The following FAH variants were observed in gnomAD, a reference collection of about 807,000 sequenced individuals.
FAH encodes the protein fumarylacetoacetate hydrolase.
A neutral mutation model predicts 55.8 loss-of-function variants in FAH; 47 were observed. The observed-to-expected ratio is 0.84, with a 90% CI of 0.67 to 1.07. The LOEUF (loss-of-function observed/expected upper bound fraction) is 1.07, where lower values mean the gene tolerates loss of function less well. FAH is among the 50% of genes least tolerant of loss of function. FAH has a pLI of 0.00. For synonymous variants in FAH, 199 were observed against 207.7 expected (o/e 0.96, Z 0.36); for missense variants, 495 against 545.9 (o/e 0.91, Z 0.93).
chr15:80,178,111 G>A (rs902498018), intron 11 of FAH, among the ~76,000 whole-genome samples: 1 of 152,086 alleles, frequency 6.6e-6, no homozygotes, highest in African/African-American at 2.4e-5. Context: ...AAGGCAGGAG[G>A]ATCGCTTGAG....
intron 1 of FAH, chr15:80,157,727 G>T: frequency 2.6e-6 from 1 of 391,266 alleles, no homozygotes; most frequent in Non-Finnish European, 4.9e-6. Flanking sequence ...CTCATCACTG[G>T]AGGCATTTAT....
chr15:80,173,160 G>A lies in FAH; in HGVS notation c.837+16G>A, dbSNP rs1422695592. 2 of 1,614,178 alleles carry A rather than the reference G, an allele frequency of 1.2e-6. No individual in the cohort carries two copies. The highest frequency in any genetic ancestry group is 2.2e-5 in the South Asian group (2 of 91,082). On this transcript the variant is annotated intron_variant, in intron 9 of 13. Transcript: ENST00000561421. ...CCCGAAGCAGGTAAGCACATTCTCT[G>A]CAGGAAGCTCCCAAACCCAGCCCTG...
intron 3 of FAH, 128 bp from the exon 4 acceptor site, chr15:80,160,282 C>A: frequency 1.0e-6 from 1 of 953,424 alleles, no homozygotes; most frequent in Non-Finnish European, 1.7e-6. Context: ...ATAGCTCTGG[C>A]CCCAGGCCAG....
At chr15:80,158,287 A>G (rs2041117483) in intron 2 of FAH, 117 bp downstream of exon 2, 2 of 829,342 alleles carry the variant, frequency 2.4e-6, no homozygotes, top group Non-Finnish European at 4.2e-6. Context: ...AAGGTCTCAG[A>G]GGTTATACTT....
Position 80,181,178 on chromosome 15 carries a change from A to G in FAH, c.1180+19A>G. On this transcript the variant is annotated intron_variant, in intron 13 of 13. Coordinates refer to ENST00000561421, the MANE Select transcript of FAH (RefSeq NM_000137.4). ...ATAACAGGTGAGGGCTGCCAAACCC[A>G]GCAGCTCGTCTTCCTCCTTGCCCGC... 1.3e-6 allele frequency: 2 copies of G among 1,547,334 alleles called. No individual in the cohort carries two copies. Among genetic ancestry groups the G allele is most frequent in the Non-Finnish European group, 1.8e-6 (2 of 1,119,726 alleles).
intron 4 of FAH, among the ~76,000 whole-genome samples, chr15:80,161,960 C>T (rs1002778324): frequency 6.6e-6 from 1 of 152,170 alleles, no homozygotes; most frequent in African/African-American, 2.4e-5. Flanking sequence ...AGTGGGGAGC[C>T]TGAGAAGGGA....
In FAH at chr15:80,159,932, G is replaced by C. The variant is rs115097266; in HGVS notation, c.314+55G>C. The C allele has an allele frequency of 3.5e-4, 551 of 1,591,810 alleles. 3 individuals carry two copies. The African/African-American group carries it at 6.4e-3, about 18-fold the overall frequency. ...AGGGGATGCAGCAGGGGAGGTGAAG[G>C]CTGTGTGGTTATCAGTGCCATTCTG... is the stretch of plus-strand genomic sequence containing the variant. On this transcript the variant is annotated intron_variant, in intron 3 of 13. Coordinates refer to ENST00000561421, the MANE Select transcript of FAH (RefSeq NM_000137.4).
At chr15:80,167,530 C>CTTTT (rs11315019) in intron 5 of FAH, among the ~76,000 whole-genome samples, 1 of 110,800 alleles carries the variant, frequency 9.0e-6, no homozygotes, top group African/African-American at 3.3e-5. Context: ...ATGGCTGTAT[C>CTTTT]TTTTTTTTTT....
In FAH at chr15:80,161,638, T is replaced by G. The variant is rs563430508; in HGVS notation, c.365-608T>G. On this transcript the variant is annotated intron_variant, in intron 4 of 13. Transcript: ENST00000561421. ...ATCTGCAGTGTGCAAGCCCTTGTCC[T>G]TGGCACTCGGGCAGAGTCCAAGAAA... Among the ~76,000 whole-genome samples, 6 of 152,306 alleles carry G rather than the reference T, an allele frequency of 3.9e-5. No individual in the cohort carries two copies. The East Asian group carries it at 9.7e-4, about 25-fold the overall frequency.
intron 7 of FAH, among the ~76,000 whole-genome samples, chr15:80,171,172 C>A (rs931501479): frequency 6.6e-6 from 1 of 151,750 alleles, no homozygotes. Context: ...TATACATGTG[C>A]CATGTTGGCG....
At position 80,158,381 on chromosome 15, in the gene FAH, C is replaced by T. The variant is rs145217689; in HGVS notation, c.192+211C>T. On this transcript the variant is annotated intron_variant, in intron 2 of 13. Transcript: ENST00000561421. ...TTCAGGGTGGCTTCTCACCTCAGGGCGAGTTCCTAGGTGAAAAAAGTGTCA... is the reference window on the plus strand; with the variant it reads ...TTCAGGGTGGCTTCTCACCTCAGGGTGAGTTCCTAGGTGAAAAAAGTGTCA... Among the ~76,000 whole-genome samples, 105 of 152,278 alleles carry T rather than the reference C, an allele frequency of 6.9e-4. 1 individual carries two copies. The highest frequency in any genetic ancestry group is 1.5e-3 in the South Asian group (7 of 4,826).
intron 11 of FAH, among the ~76,000 whole-genome samples, chr15:80,179,190 G>C (rs1191532763): frequency 6.6e-6 from 1 of 152,186 alleles, no homozygotes; most frequent in East Asian, 1.9e-4. Context: ...GGTGGTGTTT[G>C]CCTTTTCGTT....
intron 13 of FAH, among the ~76,000 whole-genome samples, chr15:80,181,990 A>T (rs1435501716): frequency 1.3e-5 from 2 of 152,194 alleles, no homozygotes; most frequent in Non-Finnish European, 2.9e-5. Flanking sequence ...TTGTGGCTTA[A>T]AACAACTGAA....
intron 1 of FAH, 140 bp downstream of exon 1, chr15:80,153,275 G>T: frequency 1.4e-6 from 1 of 734,548 alleles, no homozygotes; most frequent in Non-Finnish European, 2.4e-6. Flanking sequence ...GATTCGTTCC[G>T]TGAGAGTGCC....
chr15:80,173,656 C>A, intron 9 of FAH: 4 of 254,484 alleles, frequency 1.6e-5, no homozygotes, highest in East Asian at 1.0e-4. Context: ...TGCAATCTGC[C>A]CCACTCCATC....
At position 80,158,190 on chromosome 15, in the gene FAH, C is replaced by A; in HGVS notation, c.192+20C>A. On this transcript the variant is annotated intron_variant, in intron 2 of 13. Coordinates refer to ENST00000561421, the MANE Select transcript of FAH (RefSeq NM_000137.4). ...AATCAGGTAGGACATTGTGAAACGA[C>A]TTGTCCCTGACCTCAGTGGCACTTA... is the stretch of plus-strand genomic sequence containing the variant. The A allele has an allele frequency of 6.5e-7, 1 of 1,546,486 alleles. No homozygotes were observed. Among genetic ancestry groups the A allele is most frequent in the Non-Finnish European group, 8.9e-7 (1 of 1,118,244 alleles).
chr15:80,160,598 C>T lies in FAH; in HGVS notation c.364+139C>T, dbSNP rs2041140702. ...TGGAGGAGGGGCTCTGGGGCTGTTA[C>T]CCGCTCCTCATCACTGACCTTTCCC... On this transcript the variant is annotated intron_variant, in intron 4 of 13. Coordinates refer to ENST00000561421, the MANE Select transcript of FAH (RefSeq NM_000137.4). 17 of 795,334 alleles carry T rather than the reference C, an allele frequency of 2.1e-5. No individual in the cohort carries two copies. The Admixed American group carries it at 3.3e-4, about 15-fold the overall frequency. 49.3% of individuals were successfully genotyped at this position (795,334 alleles called of 1,614,324 possible). A position where few individuals can be genotyped will look rare whatever the true frequency, so the allele number is the denominator to read the frequency against.
chr15:80,154,223 G>A (rs1302649221), intron 1 of FAH, among the ~76,000 whole-genome samples: 2 of 152,232 alleles, frequency 1.3e-5, no homozygotes, highest in African/African-American at 2.4e-5. Flanking sequence ...TCTGCAGACA[G>A]AGCCCTCCCT....
intron 13 of FAH, among the ~76,000 whole-genome samples, chr15:80,185,630 A>C (rs887017510): frequency 2.0e-5 from 3 of 152,226 alleles, no homozygotes; most frequent in African/African-American, 7.2e-5. Context: ...AGTGGAAGGC[A>C]AAAGGCATGT....
Sources: allele counts gnomAD v4.1 joint callset (sites outside exome capture counted in the v4.1 genomes callset), GRCh38; gene constraint gnomAD v4.1.1; transcripts MANE v1.5; gene names NCBI Gene and HGNC (gene_info 2026-07-23, HGNC 2026-07-21).